The following CCDC174 variants were observed in gnomAD, a reference collection of about 807,000 sequenced individuals.
The protein encoded by CCDC174 is coiled-coil domain containing 174.
In CCDC174, 37 loss-of-function variants were observed where a neutral mutation model predicts 57.1. The observed-to-expected ratio is 0.65, with a 90% CI of 0.50 to 0.85. CCDC174 has a LOEUF of 0.85. CCDC174 is among the 40% of genes least tolerant of loss of function. The pLI, the probability that CCDC174 is intolerant of heterozygous loss-of-function variation, is 0.00. For synonymous variants in CCDC174, 182 were observed against 190.2 expected (o/e 0.96, Z 0.35); for missense variants, 540 against 574.3 (o/e 0.94, Z 0.61).
rs1402285820 is a variant in CCDC174 at position 14,671,230 on chromosome 3, A to G, written c.*36A>G. ...CACGCTGACTTGGGTTTGTACTTTG[A>G]CAGTGCCTTTCTCTCCCAGAGGGAG... is the stretch of plus-strand genomic sequence containing the variant. On this transcript the variant is annotated 3_prime_UTR_variant, in exon 11 of 11. Transcript: ENST00000383794. The G allele has an allele frequency of 1.3e-6, 2 of 1,562,466 alleles. No individual in the cohort carries two copies. The highest frequency in any genetic ancestry group is 2.3e-5 in the East Asian group (1 of 44,366).
intron 6 of CCDC174, among the ~76,000 whole-genome samples, 184 bp downstream of exon 6, chr3:14,665,307 A>T (rs1053837486): frequency 6.6e-6 from 1 of 152,208 alleles, no homozygotes; most frequent in African/African-American, 2.4e-5. Flanking sequence ...CATAATCCAC[A>T]CTTGGGGAAC....
chr3:14,664,045 A>T (rs1330757214), intron 5 of CCDC174, among the ~76,000 whole-genome samples: 1 of 148,860 alleles, frequency 6.7e-6, no homozygotes, highest in East Asian at 1.9e-4. Context: ...TCCCCCATCC[A>T]TTTGGGGGGA....
rs988932459 is a variant in CCDC174 at position 14,651,764 on chromosome 3, G to C, written c.-73G>C. On this transcript the variant is annotated 5_prime_UTR_variant, in exon 1 of 11. Coordinates refer to ENST00000383794, the MANE Select transcript of CCDC174 (RefSeq NM_016474.5). ...CGCTGTCGAAGACACTTCCGGTTGC[G>C]ACGGAGGTAGGCTTACGAGGCCTGT... 6.7e-7 allele frequency: 1 copy of C among 1,502,288 alleles called. No homozygotes were observed. Among genetic ancestry groups the C allele is most frequent in the African/African-American group, 1.4e-5 (1 of 72,690 alleles). The allele number at this position is 1,502,288 out of a possible 1,614,324, so 93.1% of individuals were successfully genotyped here.
At chr3:14,664,982 T>TA (rs756722176) in intron 5 of CCDC174, 46 bp from the exon 6 acceptor site, 1 of 1,386,328 alleles carries the variant, frequency 7.2e-7, no homozygotes, top group Non-Finnish European at 1.0e-6. Flanking sequence ...TAGGGGCTTG[T>TA]ACATGTGTAC....
chr3:14,669,603 C>G (rs1384937554), intron 9 of CCDC174, among the ~76,000 whole-genome samples: 1 of 152,150 alleles, frequency 6.6e-6, no homozygotes, highest in East Asian at 1.9e-4. Flanking sequence ...TTTGGAGAAG[C>G]AGAGTGGCAT....
At chr3:14,659,724 T>C (rs985018245) in intron 4 of CCDC174, among the ~76,000 whole-genome samples, 2 of 152,100 alleles carry the variant, frequency 1.3e-5, no homozygotes, top group African/African-American at 4.8e-5. Context: ...AAAACTCCCT[T>C]TTCTCATATC....
chr3:14,667,435 C>T lies in CCDC174; in HGVS notation c.736C>T (p.Leu246Phe). The change falls in exon 8 of 11, where the codon CTT becomes TTT. Residue 246 changes from leucine to phenylalanine, a missense_variant. By Grantham distance (22) the Leu-to-Phe change is conservative. Transcript: ENST00000383794. ...CATACTTCTTTCAGAGGCCCGGCAA[C>T]TTGGTGTTGGGTATTTTGCCTTTGC... ...EDIRENEARQ[L>F]GVGYFAFARD... 3 of 1,613,666 alleles carry T rather than the reference C, an allele frequency of 1.9e-6. No individual in the cohort carries two copies. The highest frequency in any genetic ancestry group is 2.5e-6 in the Non-Finnish European group (3 of 1,179,880).
rs752710100 is a variant in CCDC174 at position 14,671,098 on chromosome 3, G to T, written c.1308G>T (p.Thr436=). 1 of 1,613,960 alleles carries T rather than the reference G, an allele frequency of 6.2e-7. No homozygotes were observed. The highest frequency in any genetic ancestry group is 1.7e-5 in the Admixed American group (1 of 59,994). ...GCCACGGACCTAGCCCTGAACATAC[G>T]TCACCCACTCCTGCCCCCGACAACC... ...DQSHGPSPEH[T]SPTPAPDNPP... is the part of the protein sequence containing the mutation. Residue 436 remains threonine, a synonymous_variant, in exon 11 of 11, where the codon ACG becomes ACT. Coordinates refer to ENST00000383794, the MANE Select transcript of CCDC174 (RefSeq NM_016474.5).
intron 1 of CCDC174, among the ~76,000 whole-genome samples, chr3:14,652,215 G>A (rs2030794430): frequency 6.6e-6 from 1 of 152,156 alleles, no homozygotes; most frequent in African/African-American, 2.4e-5. Flanking sequence ...CTTACAGTCA[G>A]GAGGAACCCT....
intron 1 of CCDC174, 81 bp downstream of exon 1, chr3:14,651,959 T>G: frequency 7.0e-7 from 1 of 1,422,712 alleles, no homozygotes; most frequent in Non-Finnish European, 9.8e-7. Flanking sequence ...CTAGCTTGTT[T>G]CTTCACTCGG....
At chr3:14,654,644 T>C (rs1459870892) in intron 2 of CCDC174, 114 bp downstream of exon 2, 1 of 539,480 alleles carries the variant, frequency 1.9e-6, no homozygotes, top group African/African-American at 2.0e-5. Context: ...TAAGGAAAAA[T>C]CTCTATCTTG....
chr3:14,669,997 C>T lies in CCDC174; in HGVS notation c.1016C>T (p.Ala339Val), dbSNP rs1319532852. Residue 339 changes from alanine to valine, a missense_variant, in exon 10 of 11, where the codon GCC becomes GTC. By Grantham distance (64) the Ala-to-Val change is moderately conservative. Coordinates refer to ENST00000383794, the MANE Select transcript of CCDC174 (RefSeq NM_016474.5). ...PEAVPTPRPA[A>V]QSSKVEVIVQ... Reference sequence around the variant, plus strand: ...GCTGTGCCAACCCCACGTCCTGCTGCCCAGAGTAGCAAAGTAGAAGTCATT... The same window carrying T: ...GCTGTGCCAACCCCACGTCCTGCTGTCCAGAGTAGCAAAGTAGAAGTCATT... 1 of 1,612,994 alleles carries T rather than the reference C, an allele frequency of 6.2e-7. No homozygotes were observed. Among genetic ancestry groups the T allele is most frequent in the Non-Finnish European group, 8.5e-7 (1 of 1,179,702 alleles).
intron 6 of CCDC174, among the ~76,000 whole-genome samples, chr3:14,665,942 G>A (rs1170615769): frequency 6.6e-6 from 1 of 150,944 alleles, no homozygotes; most frequent in Non-Finnish European, 1.5e-5. Context: ...GGAGGCTGAG[G>A]CAGGAGAATG....
intron 6 of CCDC174, 117 bp from the exon 7 acceptor site, chr3:14,666,688 T>C (rs2031351975): frequency 1.3e-6 from 1 of 798,020 alleles, no homozygotes; most frequent in African/African-American, 1.8e-5. Flanking sequence ...GAAGCCTCTG[T>C]AGTTCCCTGT....
intron 5 of CCDC174, among the ~76,000 whole-genome samples, chr3:14,664,181 A>T (rs2031243047): frequency 6.6e-6 from 1 of 152,204 alleles, no homozygotes; most frequent in Non-Finnish European, 1.5e-5. Flanking sequence ...GCATTGCTTG[A>T]GAGGAAAAAA....
chr3:14,664,987 G>A (rs925975825), intron 5 of CCDC174, 41 bp from the exon 6 acceptor site: 1 of 1,413,574 alleles, frequency 7.1e-7, no homozygotes, highest in South Asian at 1.1e-5. Flanking sequence ...GCTTGTACAT[G>A]TGTACAAGTC....
chr3:14,655,943 C>G (rs1208410665), intron 3 of CCDC174, among the ~76,000 whole-genome samples: 2 of 152,094 alleles, frequency 1.3e-5, no homozygotes, highest in Non-Finnish European at 2.9e-5. Flanking sequence ...ATTTAGAAAC[C>G]CTAAACTTCC....
At chr3:14,653,673 C>T (rs931900493) in intron 1 of CCDC174, among the ~76,000 whole-genome samples, 1 of 152,152 alleles carries the variant, frequency 6.6e-6, no homozygotes, top group Non-Finnish European at 1.5e-5. Context: ...ACCCAACTGC[C>T]CCACTCCCTA....
At chr3:14,651,970 G>T in intron 1 of CCDC174, 92 bp downstream of exon 1, 3 of 1,297,796 alleles carry the variant, frequency 2.3e-6, no homozygotes, top group Non-Finnish European at 2.2e-6. Context: ...CTTCACTCGG[G>T]GACCCAGAGA....
Sources: allele counts gnomAD v4.1 joint callset (sites outside exome capture counted in the v4.1 genomes callset), GRCh38; gene constraint gnomAD v4.1.1; transcripts MANE v1.5; gene names NCBI Gene and HGNC (gene_info 2026-07-23, HGNC 2026-07-21).